TRPM3: variants seen among roughly 807,000 people sequenced by gnomAD.
The protein encoded by TRPM3 is long transient receptor potential channel 3.
TRPM3 carries 77 observed loss-of-function variants against 181.2 expected under a neutral mutation model. That is an observed-to-expected ratio of 0.42 (90% CI 0.35 to 0.51). TRPM3 has a LOEUF of 0.51. Ranked by LOEUF, TRPM3 falls within the 20% of genes least tolerant of loss-of-function variation. The probability of loss-of-function intolerance (pLI) is 0.01; values close to 1 mark genes in which losing one functional copy is unlikely to be tolerated. For missense variants in TRPM3, 1,759 were observed against 2,196.7 expected, an observed-to-expected ratio of 0.80 and a Z score of 3.98; for synonymous variants, 745 against 796.4, an observed-to-expected ratio of 0.94 and a Z score of 1.09.
At chr9:70,873,608 G>A (rs940556817) in intron 1 of TRPM3, among the ~76,000 whole-genome samples, 2 of 151,782 alleles carry the variant, frequency 1.3e-5, no homozygotes, top group Admixed American at 6.6e-5. Flanking sequence ...TTCTCTACTC[G>A]ATCAATGCCC....
At chr9:70,946,608 T>G (rs1225983643) in intron 1 of TRPM3, among the ~76,000 whole-genome samples, 1 of 152,110 alleles carries the variant, frequency 6.6e-6, no homozygotes, top group African/African-American at 2.4e-5. Flanking sequence ...GCTTTTAAAT[T>G]TATGTATCTA....
At chr9:71,220,898 C>T (rs562637537) in intron 1 of TRPM3, among the ~76,000 whole-genome samples, 2 of 152,262 alleles carry the variant, frequency 1.3e-5, no homozygotes, top group African/African-American at 2.4e-5. Flanking sequence ...TGCTTTAACA[C>T]TAATCTTATT....
rs191897799 is a variant in TRPM3, at chr9:71,239,010, G to T, written c.183+207643C>A. On this transcript the variant is annotated intron_variant, in intron 1 of 24. Transcript: ENST00000357533. ...ATATTCCAAAGGTGCACATGACTGTGTCAGATCAAATGCATCTCTTGTTCT... is the reference window on the plus strand; with the variant it reads ...ATATTCCAAAGGTGCACATGACTGTTTCAGATCAAATGCATCTCTTGTTCT... Among the ~76,000 whole-genome samples the T allele has an allele frequency of 3.3e-3, 506 of 152,122 alleles. 1 individual carries two copies. The highest frequency in any genetic ancestry group is 0.012 in the African/African-American group (480 of 41,514).
At position 71,328,971 on chromosome 9, in the gene TRPM3, C is replaced by G. The variant is rs375230573; in HGVS notation, c.183+117682G>C. On this transcript the variant is annotated intron_variant, in intron 1 of 24. Coordinates refer to the TRPM3 transcript ENST00000357533. ...AAAGTGTAATAATCAAAAGTGTAGA[C>G]TTCATTGGATTCAAAATTCTATTCT... is the stretch of plus-strand genomic sequence containing the variant. Among the ~76,000 whole-genome samples, 27 of 152,242 alleles carry G rather than the reference C, an allele frequency of 1.8e-4. No individual in the cohort carries two copies. In the South Asian group the frequency reaches 5.0e-3, roughly 28 times the overall value.
At chr9:71,197,240 T>C (rs1291403641) in intron 1 of TRPM3, among the ~76,000 whole-genome samples, 5 of 152,224 alleles carry the variant, frequency 3.3e-5, no homozygotes, top group Non-Finnish European at 5.9e-5. Context: ...ATGGTGTATA[T>C]GAGCCACATT....
intron 5 of TRPM3, among the ~76,000 whole-genome samples, chr9:70,831,991 A>ATTTATATATATATATATATT (rs2093960340): frequency 1.6e-5 from 2 of 125,686 alleles, no homozygotes; most frequent in Admixed American, 8.2e-5. Flanking sequence ...ATATATATAT[A>ATTTATATATATATATATATT]TATATACCTA....
At chr9:71,212,175 G>C (rs2079548029) in intron 1 of TRPM3, among the ~76,000 whole-genome samples, 1 of 152,088 alleles carries the variant, frequency 6.6e-6, no homozygotes, top group Non-Finnish European at 1.5e-5. Flanking sequence ...TGAGTACAGT[G>C]ACATGATCAT....
At chr9:70,963,095 A>G (rs1241791669) in intron 1 of TRPM3, among the ~76,000 whole-genome samples, 2 of 152,204 alleles carry the variant, frequency 1.3e-5, no homozygotes, top group Non-Finnish European at 2.9e-5. Context: ...CCAGTGTTTA[A>G]ACAGTAGACC....
chr9:71,237,492 A>G (rs966122721), intron 1 of TRPM3, among the ~76,000 whole-genome samples: 1 of 152,150 alleles, frequency 6.6e-6, no homozygotes, highest in Non-Finnish European at 1.5e-5. Flanking sequence ...GAAAACCCAC[A>G]TTTTCTACTT....
intron 6 of TRPM3, among the ~76,000 whole-genome samples, chr9:70,803,094 A>G (rs1423333241): frequency 2.0e-5 from 3 of 148,798 alleles, no homozygotes; most frequent in Admixed American, 6.7e-5. Flanking sequence ...CTGAAGGGGA[A>G]GAAGAGAAGG....
At chr9:71,320,052 G>C (rs1344869603) in intron 1 of TRPM3, among the ~76,000 whole-genome samples, 2 of 152,136 alleles carry the variant, frequency 1.3e-5, no homozygotes, top group East Asian at 3.9e-4. Context: ...GGGAATATGA[G>C]TAAGGGTTGG....
At chr9:70,966,649 C>T (rs1199957653) in intron 1 of TRPM3, among the ~76,000 whole-genome samples, 1 of 152,072 alleles carries the variant, frequency 6.6e-6, no homozygotes, top group Non-Finnish European at 1.5e-5. Flanking sequence ...GAATAGAAAA[C>T]CAAACACCGC....
intron 1 of TRPM3, among the ~76,000 whole-genome samples, chr9:70,929,023 A>G (rs986414611): frequency 6.6e-6 from 1 of 152,160 alleles, no homozygotes; most frequent in African/African-American, 2.4e-5. Flanking sequence ...GGCTTTCTCC[A>G]TTATCCAGGG....
chr9:70,744,649 A>G (rs1356465512), intron 8 of TRPM3, among the ~76,000 whole-genome samples: 1 of 152,154 alleles, frequency 6.6e-6, no homozygotes, highest in Non-Finnish European at 1.5e-5. Context: ...GGTGGTCTGG[A>G]CACTGTGCCT....
At chr9:71,130,266 A>T (rs1307660840) in intron 1 of TRPM3, among the ~76,000 whole-genome samples, 1 of 152,322 alleles carries the variant, frequency 6.6e-6, no homozygotes, top group East Asian at 1.9e-4. Flanking sequence ...ATGTGTTTTT[A>T]AGGTAACTGA....
rs180734959 is a variant in TRPM3, at chr9:71,251,712, C to G, written c.183+194941G>C. On this transcript the variant is annotated intron_variant, in intron 1 of 24. Coordinates refer to the TRPM3 transcript ENST00000357533. ...AAGTATTTATCCTTTTTGTTACAAACAATCCAATTATACCCTTTTAGTTAT... is the reference window on the plus strand; with the variant it reads ...AAGTATTTATCCTTTTTGTTACAAAGAATCCAATTATACCCTTTTAGTTAT... Among the ~76,000 whole-genome samples, 188 of 152,192 alleles carry G rather than the reference C, an allele frequency of 1.2e-3. 1 individual carries two copies. The highest frequency in any genetic ancestry group is 2.1e-3 in the Non-Finnish European group (140 of 67,996).
chr9:70,842,777 A>C (rs1564546228), intron 5 of TRPM3: 11 of 472,068 alleles, frequency 2.3e-5, no homozygotes. Context: ...GTAGGTGGTA[A>C]GTCTTACTTT....
rs192402571 is a variant in TRPM3 at position 71,405,311 on chromosome 9, A to T, written c.183+41342T>A. Reference sequence around the variant, plus strand: ...AGTGCAAAATGCACAAATTTTTTTTAAAAAAATCTTCCTTTTAGGAATTTA... The same window carrying T: ...AGTGCAAAATGCACAAATTTTTTTTTAAAAAATCTTCCTTTTAGGAATTTA... On this transcript the variant is annotated intron_variant, in intron 1 of 24. Coordinates refer to the TRPM3 transcript ENST00000357533. Among the ~76,000 whole-genome samples the T allele has an allele frequency of 3.0e-4, 45 of 152,226 alleles. No individual in the cohort carries two copies. The East Asian group carries it at 4.8e-3, about 16-fold the overall frequency.
chr9:71,300,871 T>A (rs2086706553), intron 1 of TRPM3, among the ~76,000 whole-genome samples: 1 of 152,186 alleles, frequency 6.6e-6, no homozygotes, highest in Non-Finnish European at 1.5e-5. Context: ...TACGCACTAC[T>A]ACTGACTCAT....
Sources: gnomAD v4.1 joint callset for allele counts (sites outside exome capture counted in the v4.1 genomes callset) on GRCh38, gnomAD v4.1.1 for gene constraint, MANE v1.5 for transcripts, NCBI Gene and HGNC (gene_info 2026-07-23, HGNC 2026-07-21) for gene names.